The following CCDC91 variants were observed in gnomAD, a reference collection of about 807,000 sequenced individuals.
CCDC91 encodes coiled-coil domain containing 91, also known as coiled-coil domain-containing protein 91.
CCDC91 carries 48 observed loss-of-function variants against 63.2 expected under a neutral mutation model. The ratio of observed to expected loss-of-function variants is 0.76; its 90% confidence interval spans 0.60 to 0.97. The LOEUF (loss-of-function observed/expected upper bound fraction) is 0.97, where lower values mean the gene tolerates loss of function less well. CCDC91 is among the 50% of genes least tolerant of loss of function. The pLI is 0.00. For missense variants in CCDC91, 500 were observed against 494.6 expected, an observed-to-expected ratio of 1.01 and a Z score of -0.10; for synonymous variants, 167 against 165.8, an observed-to-expected ratio of 1.01 and a Z score of -0.06.
At chr12:28,517,127 T>C (rs560306399) in intron 12 of CCDC91, among the ~76,000 whole-genome samples, 1 of 152,122 alleles carries the variant, frequency 6.6e-6, no homozygotes, top group South Asian at 2.1e-4. Flanking sequence ...TGTGCTAATC[T>C]ATTTCCTCAT....
chr12:28,544,033 C>T (rs1246039637), intron 12 of CCDC91, among the ~76,000 whole-genome samples: 2 of 151,100 alleles, frequency 1.3e-5, no homozygotes, highest in Non-Finnish European at 3.0e-5. Flanking sequence ...ACTCTTGTCC[C>T]GCTACAGTCT....
chr12:28,244,570 G>A (rs1280139988), intron 1 of CCDC91, among the ~76,000 whole-genome samples: 3 of 121,696 alleles, frequency 2.5e-5, no homozygotes, highest in Admixed American at 2.1e-4. Context: ...TGATGTGAAC[G>A]TTGAACACTG....
chr12:28,434,594 G>GT (rs376645678), intron 8 of CCDC91, among the ~76,000 whole-genome samples: 9,356 of 73,132 alleles, frequency 0.13, 405 homozygotes, highest in African/African-American at 0.19. Flanking sequence ...CCTTGGTCTG[G>GT]TTTTTTTTTT....
At chr12:28,232,287 T>G (rs1944649130) in intron 1 of CCDC91, among the ~76,000 whole-genome samples, 3 of 152,290 alleles carry the variant, frequency 2.0e-5, no homozygotes, top group South Asian at 2.1e-4. Context: ...GGGATAAGTT[T>G]AGAGCACAAG....
At chr12:28,524,193 C>A (rs1161810375) in intron 12 of CCDC91, among the ~76,000 whole-genome samples, 1 of 152,066 alleles carries the variant, frequency 6.6e-6, no homozygotes, top group Non-Finnish European at 1.5e-5. Flanking sequence ...GCAGCCTTGT[C>A]TTGTTCCAGT....
chr12:28,223,553 A>G (rs1235948447), intron 1 of CCDC91, among the ~76,000 whole-genome samples: 1 of 152,086 alleles, frequency 6.6e-6, no homozygotes, highest in East Asian at 1.9e-4. Flanking sequence ...TGTCTCTTAA[A>G]CAATATTGTC....
intron 12 of CCDC91, among the ~76,000 whole-genome samples, chr12:28,514,580 G>A (rs1050669308): frequency 2.6e-5 from 4 of 151,806 alleles, no homozygotes; most frequent in African/African-American, 9.7e-5. Context: ...TGTCCAGAAT[G>A]GTATTGCCTA....
chr12:28,462,392 A>C (rs1950349739), intron 11 of CCDC91, among the ~76,000 whole-genome samples: 1 of 152,148 alleles, frequency 6.6e-6, no homozygotes, highest in African/African-American at 2.4e-5. Flanking sequence ...CAAATGGCTA[A>C]GTTATCACCT....
At chr12:28,356,860 A>G (rs1943560061) in intron 6 of CCDC91, among the ~76,000 whole-genome samples, 1 of 152,174 alleles carries the variant, frequency 6.6e-6, no homozygotes, top group Non-Finnish European at 1.5e-5. Context: ...CTGCTTTCTG[A>G]TAGATGGAAT....
chr12:28,400,035 T>G (rs1460886082), intron 8 of CCDC91, among the ~76,000 whole-genome samples: 3 of 152,180 alleles, frequency 2.0e-5, no homozygotes, highest in Non-Finnish European at 4.4e-5. Context: ...GGACTGTGTG[T>G]GGGGGCTCTG....
At position 28,391,429 on chromosome 12, in the gene CCDC91, C is replaced by T. The variant is rs1439726782; in HGVS notation, c.762+18C>T. The stretch of plus-strand genomic sequence containing the variant: ...ATGCTCAGGTAATAAAAGTGCACAT[C>T]CATTATATATTTATACTTTTCCCCT... On this transcript the variant is annotated intron_variant, in intron 8 of 12. Coordinates refer to ENST00000536442, the MANE Select transcript of CCDC91 (RefSeq NM_018318.5). 4.3e-6 allele frequency: 6 copies of T among 1,403,444 alleles called. No homozygotes were observed. In the African/African-American group the frequency reaches 5.6e-5, roughly 13 times the overall value. 86.9% of individuals were successfully genotyped at this position (1,403,444 alleles called of 1,614,324 possible). A position where few individuals can be genotyped will look rare whatever the true frequency, so the allele number is the denominator to read the frequency against.
chr12:28,450,010 T>C, intron 8 of CCDC91, 151 bp from the exon 9 acceptor site: 1 of 483,436 alleles, frequency 2.1e-6, no homozygotes, highest in Non-Finnish European at 3.7e-6. Context: ...TTAGTGTTTT[T>C]TTCTCCTGAA....
chr12:28,410,314 C>A (rs1246018280), intron 8 of CCDC91, among the ~76,000 whole-genome samples: 1 of 152,106 alleles, frequency 6.6e-6, no homozygotes, highest in East Asian at 1.9e-4. Context: ...CCTATGAAAT[C>A]TACTCTGTAT....
At chr12:28,405,121 A>G (rs1281824262) in intron 8 of CCDC91, among the ~76,000 whole-genome samples, 1 of 151,792 alleles carries the variant, frequency 6.6e-6, no homozygotes, top group Non-Finnish European at 1.5e-5. Flanking sequence ...TTTCTGGTTC[A>G]AATTGAAAAT....
intron 6 of CCDC91, among the ~76,000 whole-genome samples, chr12:28,324,711 T>G (rs1449924109): frequency 2.0e-5 from 3 of 151,982 alleles, no homozygotes; most frequent in Non-Finnish European, 4.4e-5. Flanking sequence ...CCTTTTTGAG[T>G]TATTGTGAAG....
intron 6 of CCDC91, among the ~76,000 whole-genome samples, chr12:28,361,392 T>C (rs1943872817): frequency 1.3e-5 from 2 of 152,050 alleles, no homozygotes; most frequent in South Asian, 4.1e-4. Flanking sequence ...CCATGTGTTC[T>C]CATTGTTCAG....
At chr12:28,494,613 T>G (rs1952183602) in intron 12 of CCDC91, among the ~76,000 whole-genome samples, 1 of 151,746 alleles carries the variant, frequency 6.6e-6, no homozygotes, top group Non-Finnish European at 1.5e-5. Context: ...TCAATGTAGT[T>G]GTCATACGTG....
intron 1 of CCDC91, among the ~76,000 whole-genome samples, chr12:28,245,114 C>T (rs1338281674): frequency 1.3e-5 from 2 of 151,892 alleles, no homozygotes; most frequent in Non-Finnish European, 1.5e-5. Context: ...AAAACTTAAC[C>T]ATGGTATATC....
At chr12:28,415,040 C>T (rs1271726448) in intron 8 of CCDC91, among the ~76,000 whole-genome samples, 2 of 152,048 alleles carry the variant, frequency 1.3e-5, no homozygotes, top group Non-Finnish European at 2.9e-5. Context: ...TGCGGAGATA[C>T]CTCTAGGGTT....
Sources: allele counts gnomAD v4.1 joint callset (sites outside exome capture counted in the v4.1 genomes callset), GRCh38; gene constraint gnomAD v4.1.1; transcripts MANE v1.5; gene names NCBI Gene and HGNC (gene_info 2026-07-23, HGNC 2026-07-21).